The following FUT9 variants were observed in gnomAD, a reference collection of about 807,000 sequenced individuals.
FUT9 encodes 4-galactosyl-N-acetylglucosaminide 3-alpha-L-fucosyltransferase 9.
A neutral mutation model predicts 29.7 loss-of-function variants in FUT9; 15 were observed. The observed-to-expected ratio is 0.51, with a 90% CI of 0.34 to 0.78. FUT9 has a LOEUF of 0.78. FUT9 is among the 30% of genes least tolerant of loss of function. The probability of loss-of-function intolerance (pLI) is 0.01; values close to 1 mark genes in which losing one functional copy is unlikely to be tolerated. For synonymous variants in FUT9, 169 were observed against 153.7 expected, an observed-to-expected ratio of 1.10 and a Z score of -0.74; for missense variants, 319 against 425.4, an observed-to-expected ratio of 0.75 and a Z score of 2.20.
chr6:96,089,785 T>TAAAGC (rs1318748254), intron 1 of FUT9, among the ~76,000 whole-genome samples: 3 of 152,274 alleles, frequency 2.0e-5, no homozygotes, highest in East Asian at 3.9e-4. Flanking sequence ...ACAGCGCTTT[T>TAAAGC]AAGCTATAAA....
chr6:96,033,811 C>A (rs1294129250), intron 1 of FUT9, among the ~76,000 whole-genome samples: 1 of 151,594 alleles, frequency 6.6e-6, no homozygotes, highest in African/African-American at 2.4e-5. Flanking sequence ...TACAAATTAG[C>A]AAATATGTAA....
chr6:96,103,437 G>A (rs1358601131), intron 1 of FUT9, among the ~76,000 whole-genome samples: 4 of 152,078 alleles, frequency 2.6e-5, no homozygotes, highest in Non-Finnish European at 5.9e-5. Flanking sequence ...TCCTAAGGCT[G>A]CCATAATAAA....
intron 2 of FUT9, among the ~76,000 whole-genome samples, chr6:96,202,654 A>G (rs1773746254): frequency 6.6e-6 from 1 of 152,160 alleles, no homozygotes; most frequent in African/African-American, 2.4e-5. Context: ...AACGAGAAAA[A>G]CAAAAACATA....
intron 2 of FUT9, among the ~76,000 whole-genome samples, chr6:96,153,929 T>C (rs1772728500): frequency 6.6e-6 from 1 of 152,244 alleles, no homozygotes; most frequent in Admixed American, 6.5e-5. Context: ...GATTAAAATC[T>C]TAATTCTCCT....
chr6:96,018,225 A>G (rs9390772), intron 1 of FUT9, among the ~76,000 whole-genome samples: 14,367 of 152,138 alleles, frequency 0.094, 1,854 homozygotes, highest in African/African-American at 0.28. Flanking sequence ...TGCACAGTAT[A>G]TCCAACAGTA....
At chr6:96,090,254 G>C (rs1771388698) in intron 1 of FUT9, among the ~76,000 whole-genome samples, 2 of 151,722 alleles carry the variant, frequency 1.3e-5, no homozygotes, top group South Asian at 4.2e-4. Context: ...TCTGAACACA[G>C]TCAATAAAAA....
chr6:96,043,070 T>C (rs2127933842), intron 1 of FUT9, among the ~76,000 whole-genome samples: 1 of 152,246 alleles, frequency 6.6e-6, no homozygotes, highest in Non-Finnish European at 1.5e-5. Flanking sequence ...CGTTTATTCT[T>C]TTTTTTGGTC....
At chr6:96,201,339 A>G (rs1235016181) in intron 2 of FUT9, among the ~76,000 whole-genome samples, 1 of 151,964 alleles carries the variant, frequency 6.6e-6, no homozygotes, top group East Asian at 1.9e-4. Flanking sequence ...ATGCTAAATC[A>G]ACAATTATTT....
At chr6:96,038,394 A>G (rs1468276762) in intron 1 of FUT9, among the ~76,000 whole-genome samples, 1 of 152,188 alleles carries the variant, frequency 6.6e-6, no homozygotes, top group African/African-American at 2.4e-5. Flanking sequence ...AAAACAAGCC[A>G]AAACCCATTT....
intron 2 of FUT9, among the ~76,000 whole-genome samples, chr6:96,185,285 T>A (rs1028798357): frequency 6.6e-6 from 1 of 152,080 alleles, no homozygotes; most frequent in Non-Finnish European, 1.5e-5. Flanking sequence ...GAAAATGATA[T>A]AAGCCTAAAC....
chr6:96,106,689 C>G (rs1234321156), intron 1 of FUT9, among the ~76,000 whole-genome samples: 1 of 152,218 alleles, frequency 6.6e-6, no homozygotes, highest in African/African-American at 2.4e-5. Flanking sequence ...AAACCTTATT[C>G]TATCCATCAG....
chr6:96,179,779 T>C (rs1773272515), intron 2 of FUT9, among the ~76,000 whole-genome samples: 1 of 151,854 alleles, frequency 6.6e-6, no homozygotes, highest in East Asian at 1.9e-4. Flanking sequence ...TTTTCAGAAA[T>C]TGAAGGTCAA....
chr6:96,043,296 T>C (rs1321294256), intron 1 of FUT9, among the ~76,000 whole-genome samples: 3 of 71,452 alleles, frequency 4.2e-5, no homozygotes, highest in African/African-American at 3.6e-4. Context: ...CGTGATCCTC[T>C]CGCCTCGGGT....
intron 1 of FUT9, among the ~76,000 whole-genome samples, chr6:96,055,737 G>C (rs1261398335): frequency 2.9e-5 from 4 of 139,734 alleles, no homozygotes; most frequent in Non-Finnish European, 6.1e-5. Context: ...TAGAGATAGG[G>C]TTCTGCCATG....
intron 1 of FUT9, among the ~76,000 whole-genome samples, chr6:96,076,841 T>A (rs1003051315): frequency 3.9e-5 from 6 of 152,160 alleles, no homozygotes; most frequent in African/African-American, 1.4e-4. Flanking sequence ...GTTGTTGGCC[T>A]TGTTTTACAA....
chr6:96,090,868 A>C (rs964206695), intron 1 of FUT9, among the ~76,000 whole-genome samples: 5 of 152,100 alleles, frequency 3.3e-5, no homozygotes, highest in African/African-American at 1.2e-4. Flanking sequence ...TAAATGCAGG[A>C]GTCCATAGGA....
chr6:96,037,155 T>C (rs1770377932), intron 1 of FUT9: 1 of 152,004 alleles, frequency 6.6e-6, no homozygotes, highest in African/African-American at 2.4e-5. Flanking sequence ...TTTTTTATTT[T>C]CTGGAGAGTT....
At chr6:96,160,278 A>G (rs1772872411) in intron 2 of FUT9, among the ~76,000 whole-genome samples, 2 of 151,824 alleles carry the variant, frequency 1.3e-5, no homozygotes, top group African/African-American at 4.8e-5. Flanking sequence ...AAGAGTGGGG[A>G]GGAAACTGTG....
At chr6:96,175,967 G>T (rs1773195501) in intron 2 of FUT9, among the ~76,000 whole-genome samples, 1 of 152,192 alleles carries the variant, frequency 6.6e-6, no homozygotes, top group Non-Finnish European at 1.5e-5. Flanking sequence ...TTTGCTGAGG[G>T]CCCAGACAGA....
Sources: allele counts gnomAD v4.1 joint callset (sites outside exome capture counted in the v4.1 genomes callset), GRCh38; gene constraint gnomAD v4.1.1; transcripts MANE v1.5; gene names NCBI Gene and HGNC (gene_info 2026-07-23, HGNC 2026-07-21).